The following THRAP3 variants were observed in gnomAD, a reference collection of about 807,000 sequenced individuals.
THRAP3 encodes thyroid hormone receptor-associated protein 3.
THRAP3 carries 16 observed loss-of-function variants against 101.0 expected under a neutral mutation model. The observed-to-expected ratio is 0.16, with a 90% CI of 0.11 to 0.24. The LOEUF (loss-of-function observed/expected upper bound fraction) is 0.24. THRAP3 is among the 10% of genes least tolerant of loss of function. THRAP3 has a pLI of 1.00. For missense variants in THRAP3, 989 were observed against 1,202.7 expected, an observed-to-expected ratio of 0.82 and a Z score of 2.63; for synonymous variants, 407 against 422.6, an observed-to-expected ratio of 0.96 and a Z score of 0.45.
chr1:36,236,606 C>A (rs570468039), intron 1 of THRAP3, among the ~76,000 whole-genome samples: 1 of 152,256 alleles, frequency 6.6e-6, no homozygotes, highest in East Asian at 1.9e-4. Context: ...TCTACCTTGC[C>A]TCTTCATATC....
the THRAP3 span, among the ~76,000 whole-genome samples, chr1:36,218,513 G>A: frequency 6.7e-6 from 1 of 149,690 alleles, no homozygotes; most frequent in Non-Finnish European, 1.5e-5. Context: ...TCAGGGGATC[G>A]AGACCATCCT....
chr1:36,220,471 T>A (rs1040193002), upstream of THRAP3, among the ~76,000 whole-genome samples: 2 of 151,762 alleles, frequency 1.3e-5, no homozygotes, highest in African/African-American at 4.8e-5. Context: ...AGGTCAGGAG[T>A]TCGAGACCAG....
At chr1:36,245,167 C>CTTTTTT (rs765561233) in intron 1 of THRAP3, among the ~76,000 whole-genome samples, 1 of 136,684 alleles carries the variant, frequency 7.3e-6, no homozygotes, top group African/African-American at 2.7e-5. Flanking sequence ...CCATCCCAAT[C>CTTTTTT]TTTTTTTTTT....
chr1:36,292,564 C>T, intron 6 of THRAP3, 34 bp from the exon 7 acceptor site: 1 of 1,560,126 alleles, frequency 6.4e-7, no homozygotes, highest in South Asian at 1.1e-5. Context: ...GCCACCATGC[C>T]TGGCCCATAA....
chr1:36,215,815 T>C, the THRAP3 span, among the ~76,000 whole-genome samples: 1 of 151,812 alleles, frequency 6.6e-6, no homozygotes. Flanking sequence ...AACGGCACGA[T>C]CTCAGCTCAA....
chr1:36,289,290 A>C lies in THRAP3; in HGVS notation c.1271A>C (p.Asp424Ala), dbSNP rs1201049023. Residue 424 changes from aspartate (D) to alanine (A), a missense_variant, in exon 5 of 12, where the codon GAC becomes GCC. Asp to Ala is a moderately radical substitution (Grantham distance 126, BLOSUM62 -2). Transcript: ENST00000354618. ...LRDDFEKKMADFHKEEMDDQD... is the reference protein window; with the variant it reads ...LRDDFEKKMAAFHKEEMDDQD... ...GATGACTTTGAGAAGAAGATGGCTG[A>C]CTTCCACAAGGAGGAGATGGATGAT... The C allele has an allele frequency of 2.5e-6, 4 of 1,614,054 alleles. No individual in the cohort carries two copies. The highest frequency in any genetic ancestry group is 3.4e-6 in the Non-Finnish European group (4 of 1,180,022).
At chr1:36,295,954 CTTTTTTTTTTTTTTTTTTTT>C (rs575028397) in intron 8 of THRAP3, among the ~76,000 whole-genome samples, 1,121 of 60,506 alleles carry the variant, frequency 0.019, 45 homozygotes, top group African/African-American at 0.075. Flanking sequence ...GCCTTCTCAA[CTTTTTTTTTTTTTTTTTTTT>C]TTTTTTTTTT....
At chr1:36,278,061 C>CTTT (rs1376152806) in intron 2 of THRAP3, among the ~76,000 whole-genome samples, 15 of 132,824 alleles carry the variant, frequency 1.1e-4, no homozygotes, top group Non-Finnish European at 2.2e-4. Flanking sequence ...GCCCAGCCCC[C>CTTT]CTTTTTTTTT....
intron 1 of THRAP3, among the ~76,000 whole-genome samples, chr1:36,254,319 T>C (rs1268859486): frequency 6.6e-6 from 1 of 152,230 alleles, no homozygotes; most frequent in Non-Finnish European, 1.5e-5. Context: ...GTAAGATCAA[T>C]GTATGTTATA....
chr1:36,218,322 T>TTGTGCCAC, the THRAP3 span, among the ~76,000 whole-genome samples: 1 of 147,766 alleles, frequency 6.8e-6, no homozygotes. Flanking sequence ...TGAGCAGAGA[T>TTGTGCCAC]TGCATCACGC....
chr1:36,280,296 C>T (rs1001298712), intron 2 of THRAP3, among the ~76,000 whole-genome samples: 16 of 152,116 alleles, frequency 1.1e-4, no homozygotes, highest in Non-Finnish European at 1.8e-4. Context: ...CTATTCTGGG[C>T]GTTGGGTATA....
chr1:36,274,059 CTG>C (rs796116327), intron 2 of THRAP3, among the ~76,000 whole-genome samples: 8 of 132,706 alleles, frequency 6.0e-5, no homozygotes, highest in East Asian at 2.2e-4. Flanking sequence ...AAAAAAAAGA[CTG>C]TGTGTGTGTG....
At chr1:36,270,384 G>A (rs1473753927) in intron 2 of THRAP3, among the ~76,000 whole-genome samples, 1 of 152,000 alleles carries the variant, frequency 6.6e-6, no homozygotes, top group Admixed American at 6.6e-5. Context: ...AACAGAGTGA[G>A]ACCCTGACAC....
At chr1:36,266,924 A>C (rs1256865711) in intron 2 of THRAP3, among the ~76,000 whole-genome samples, 2 of 151,746 alleles carry the variant, frequency 1.3e-5, no homozygotes, top group Admixed American at 6.6e-5. Context: ...CTTGTTGGCC[A>C]GGCTGGAGTG....
At chr1:36,259,018 T>A (rs1557427146) in intron 1 of THRAP3, among the ~76,000 whole-genome samples, 1 of 152,276 alleles carries the variant, frequency 6.6e-6, no homozygotes, top group Non-Finnish European at 1.5e-5. Context: ...AAATTCATTT[T>A]AATATACTTC....
intron 6 of THRAP3, among the ~76,000 whole-genome samples, chr1:36,292,276 T>TC (rs1645884611): frequency 9.1e-6 from 1 of 109,660 alleles, no homozygotes; most frequent in African/African-American, 3.3e-5. Flanking sequence ...TTTTTTTTTT[T>TC]TTTTTTTTTT....
rs890139742 is a variant in THRAP3, at chr1:36,301,617, G to T, written c.2567G>T (p.Ser856Ile). The part of the protein sequence containing the change: ...GNYSGNNNNN[S>I]NNDFQKRNRE... ...TACTCTGGGAACAATAACAACAACA[G>T]CAACAACGATTTTCAAAAAAGAAAC... The change falls in exon 11 of 12, where the codon AGC becomes ATC. Residue 856 changes from serine to isoleucine, a missense_variant. Physicochemically the swap from Ser to Ile is moderately radical, Grantham distance 142 (BLOSUM62 -2). Transcript: ENST00000354618. The T allele has an allele frequency of 6.2e-7, 1 of 1,614,024 alleles. No homozygotes were observed. The highest frequency in any genetic ancestry group is 1.3e-5 in the African/African-American group (1 of 74,928).
chr1:36,214,988 G>A, the THRAP3 span, among the ~76,000 whole-genome samples: 153 of 152,106 alleles, frequency 1.0e-3, 2 homozygotes, highest in East Asian at 0.028. Flanking sequence ...TTGGGAGGCC[G>A]AGGCGGGCGG....
At chr1:36,260,324 CTT>C (rs895856332) in intron 2 of THRAP3, among the ~76,000 whole-genome samples, 1 of 152,152 alleles carries the variant, frequency 6.6e-6, no homozygotes, top group African/African-American at 2.4e-5. Context: ...CCCTAGGGCT[CTT>C]TATGAAAAAC....
Sources: allele counts gnomAD v4.1 joint callset (sites outside exome capture counted in the v4.1 genomes callset), GRCh38; gene constraint gnomAD v4.1.1; transcripts MANE v1.5; gene names NCBI Gene and HGNC (gene_info 2026-07-23, HGNC 2026-07-21).